CNOT6L: variants seen among roughly 807,000 people sequenced by gnomAD.
The protein encoded by CNOT6L is CCR4-NOT transcription complex subunit 6-like.
Under a neutral mutation model 64.0 loss-of-function variants are expected in CNOT6L, and 7 were observed. The observed-to-expected ratio is 0.11, with a 90% CI of 0.06 to 0.21. The LOEUF (loss-of-function observed/expected upper bound fraction) is 0.21, where lower values mean the gene tolerates loss of function less well. Among genes scored for constraint, CNOT6L ranks in the 10% least tolerant of loss-of-function variants. The pLI is 1.00. For synonymous variants in CNOT6L, 193 were observed against 243.4 expected, an observed-to-expected ratio of 0.79 and a Z score of 1.93; for missense variants, 245 against 669.0, an observed-to-expected ratio of 0.37 and a Z score of 6.99.
At chr4:77,737,866 A>G (rs749908674) in intron 8 of CNOT6L, among the ~76,000 whole-genome samples, 1 of 152,182 alleles carries the variant, frequency 6.6e-6, no homozygotes, top group Non-Finnish European at 1.5e-5. Flanking sequence ...GGTTGAATAG[A>G]AATTACCAGA....
At chr4:77,803,428 CT>C (rs1254281238) in intron 1 of CNOT6L, among the ~76,000 whole-genome samples, 2 of 152,160 alleles carry the variant, frequency 1.3e-5, no homozygotes, top group Non-Finnish European at 2.9e-5. Flanking sequence ...TGTGTAATTA[CT>C]TTGATCCAGC....
chr4:77,735,243 A>G (rs574857649), intron 8 of CNOT6L, among the ~76,000 whole-genome samples: 5 of 152,280 alleles, frequency 3.3e-5, no homozygotes, highest in South Asian at 4.1e-4. Context: ...CCGTATGTCC[A>G]ATTCTGCTTC....
intron 7 of CNOT6L, 67 bp downstream of exon 7, chr4:77,744,651 G>A (rs1278744916): frequency 7.3e-6 from 10 of 1,368,652 alleles, no homozygotes; most frequent in Non-Finnish European, 9.8e-6. Context: ...TCTCCCAGTG[G>A]TCAGATCTTC....
At chr4:77,721,037 A>G (rs1159875002) in intron 11 of CNOT6L, among the ~76,000 whole-genome samples, 1 of 152,218 alleles carries the variant, frequency 6.6e-6, no homozygotes, top group Non-Finnish European at 1.5e-5. Flanking sequence ...GAGCACATAC[A>G]TAGTTAACGG....
chr4:77,759,615 T>C (rs894107255), intron 4 of CNOT6L, among the ~76,000 whole-genome samples: 4 of 149,518 alleles, frequency 2.7e-5, no homozygotes, highest in African/African-American at 9.8e-5. Context: ...AGAACAACCA[T>C]ATCAAAAGAA....
chr4:77,801,061 C>T (rs1454991180), intron 1 of CNOT6L, among the ~76,000 whole-genome samples: 1 of 152,114 alleles, frequency 6.6e-6, no homozygotes, highest in Non-Finnish European at 1.5e-5. Context: ...AGGGTGTCAA[C>T]TTTAAAATTG....
At chr4:77,761,230 C>CA (rs1338208531) in intron 4 of CNOT6L, among the ~76,000 whole-genome samples, 2 of 151,846 alleles carry the variant, frequency 1.3e-5, no homozygotes, top group African/African-American at 4.8e-5. Context: ...CAAAACAAAA[C>CA]AAAAAAGTTG....
intron 4 of CNOT6L, among the ~76,000 whole-genome samples, chr4:77,764,866 C>A (rs1414567183): frequency 6.6e-6 from 1 of 152,102 alleles, no homozygotes; most frequent in Admixed American, 6.5e-5. Context: ...CCTCTGCAAC[C>A]CTTAGGATTA....
chr4:77,723,952 G>A (rs1721561707), intron 11 of CNOT6L, among the ~76,000 whole-genome samples: 1 of 152,040 alleles, frequency 6.6e-6, no homozygotes, highest in Admixed American at 6.6e-5. Context: ...TATGGACAAG[G>A]AAGAAGTAAG....
chr4:77,736,972 T>G (rs186214771), intron 8 of CNOT6L, among the ~76,000 whole-genome samples: 83 of 69,562 alleles, frequency 1.2e-3, no homozygotes, highest in African/African-American at 3.0e-3. Context: ...GAGCAGTCCT[T>G]CAAATAAAGA....
chr4:77,776,183 TA>T, intron 2 of CNOT6L, 87 bp downstream of exon 2: 1 of 1,368,106 alleles, frequency 7.3e-7, no homozygotes, highest in Non-Finnish European at 1.0e-6. Flanking sequence ...TCCATCTAAT[TA>T]AAAATGTACA....
chr4:77,740,408 A>G (rs1723452031), intron 8 of CNOT6L, among the ~76,000 whole-genome samples: 1 of 152,008 alleles, frequency 6.6e-6, no homozygotes, highest in African/African-American at 2.4e-5. Context: ...ATTCAGGGCA[A>G]TTTTTCTAAA....
intron 1 of CNOT6L, among the ~76,000 whole-genome samples, chr4:77,781,058 T>C (rs550115825): frequency 6.6e-6 from 1 of 152,300 alleles, no homozygotes; most frequent in East Asian, 1.9e-4. Flanking sequence ...GAAGCCATCA[T>C]TCCCAGCAAA....
rs148629474 is a variant in CNOT6L at position 77,810,837 on chromosome 4, T to C, written c.5+8467A>G. On this transcript the variant is annotated intron_variant, in intron 1 of 11. Coordinates refer to ENST00000504123, the MANE Select transcript of CNOT6L (RefSeq NM_144571.3). ...GCCTCTAGAATCCTCTTTTCTACTT[T>C]TTACTTCTAAGAGATCGACTTTTTT... Among the ~76,000 whole-genome samples, 444 of 152,306 alleles carry C rather than the reference T, an allele frequency of 2.9e-3. 1 individual carries two copies. Among genetic ancestry groups the C allele is most frequent in the African/African-American group, 9.9e-3 (413 of 41,568 alleles).
chr4:77,801,298 C>T (rs1184392224), intron 1 of CNOT6L, among the ~76,000 whole-genome samples: 2 of 152,154 alleles, frequency 1.3e-5, no homozygotes, highest in African/African-American at 4.8e-5. Flanking sequence ...CAAATAGATA[C>T]TCTGCAAAAG....
At chr4:77,722,301 C>G (rs1233629412) in intron 11 of CNOT6L, among the ~76,000 whole-genome samples, 2 of 152,082 alleles carry the variant, frequency 1.3e-5, no homozygotes, top group African/African-American at 4.8e-5. Context: ...TGCCTGATGC[C>G]TGTAATCCCA....
chr4:77,737,654 G>C (rs1469391357), intron 8 of CNOT6L, among the ~76,000 whole-genome samples: 1 of 151,814 alleles, frequency 6.6e-6, no homozygotes, highest in Non-Finnish European at 1.5e-5. Flanking sequence ...TCCTGACCTT[G>C]TGATCTACCC....
chr4:77,756,761 T>C (rs769553355), intron 5 of CNOT6L, 101 bp downstream of exon 5: 56 of 668,566 alleles, frequency 8.4e-5, no homozygotes, highest in Middle Eastern at 2.6e-4. Flanking sequence ...TCCAAACCCA[T>C]AGGCAATTAT....
intron 1 of CNOT6L, among the ~76,000 whole-genome samples, chr4:77,803,232 T>A (rs1490653208): frequency 1.3e-5 from 2 of 151,826 alleles, no homozygotes; most frequent in East Asian, 3.9e-4. Flanking sequence ...AAAAAAAAAA[T>A]TATCTCCACT....
Sources: gnomAD v4.1 joint callset for allele counts (sites outside exome capture counted in the v4.1 genomes callset) on GRCh38, gnomAD v4.1.1 for gene constraint, MANE v1.5 for transcripts, NCBI Gene and HGNC (gene_info 2026-07-23, HGNC 2026-07-21) for gene names.